The following RNF150 variants were observed in gnomAD, a reference collection of about 807,000 sequenced individuals.
The protein encoded by RNF150 is ring finger protein 150.
In RNF150, 24 loss-of-function variants were observed where a neutral mutation model predicts 39.3. That is an observed-to-expected ratio of 0.61 (90% CI 0.44 to 0.86). The LOEUF (loss-of-function observed/expected upper bound fraction) is 0.86. Among genes scored for constraint, RNF150 ranks in the 40% least tolerant of loss-of-function variants. The probability of loss-of-function intolerance (pLI) is 0.00; values close to 1 mark genes in which losing one functional copy is unlikely to be tolerated. For synonymous variants in RNF150, 255 were observed against 227.3 expected (o/e 1.12, Z -1.10); for missense variants, 502 against 587.8 (o/e 0.85, Z 1.51).
At chr4:141,179,103 G>T (rs764062812) in intron 1 of RNF150, among the ~76,000 whole-genome samples, 14 of 152,080 alleles carry the variant, frequency 9.2e-5, no homozygotes, top group Non-Finnish European at 1.9e-4. Context: ...TATATATTAA[G>T]ATCTCGTATT....
chr4:140,896,828 A>G (rs992533791), intron 6 of RNF150, among the ~76,000 whole-genome samples: 1 of 152,016 alleles, frequency 6.6e-6, no homozygotes, highest in African/African-American at 2.4e-5. Context: ...GAATGCCTGC[A>G]CCACCGTGTG....
intron 1 of RNF150, among the ~76,000 whole-genome samples, chr4:141,041,022 G>T (rs1736344670): frequency 6.6e-6 from 1 of 151,798 alleles, no homozygotes; most frequent in Admixed American, 6.6e-5. Flanking sequence ...TCACTTTTTG[G>T]TCACTGTTAT....
chr4:140,971,020 A>G (rs1360973587), intron 1 of RNF150, among the ~76,000 whole-genome samples: 3 of 152,132 alleles, frequency 2.0e-5, no homozygotes, highest in African/African-American at 7.2e-5. Flanking sequence ...AGGGTGTCCA[A>G]AAAAAGATAT....
intron 6 of RNF150, among the ~76,000 whole-genome samples, chr4:140,871,003 T>C (rs1395080513): frequency 1.1e-5 from 1 of 91,884 alleles, no homozygotes; most frequent in Non-Finnish European, 2.7e-5. Flanking sequence ...TCTCTCTCTC[T>C]ATATATATAT....
At chr4:141,164,173 C>A (rs1727561184) in intron 1 of RNF150, among the ~76,000 whole-genome samples, 1 of 150,300 alleles carries the variant, frequency 6.7e-6, no homozygotes. Flanking sequence ...GTATCAATAG[C>A]TGAATTGATC....
intron 1 of RNF150, among the ~76,000 whole-genome samples, chr4:141,020,595 T>TA (rs1397912421): frequency 2.6e-5 from 4 of 152,070 alleles, no homozygotes; most frequent in African/African-American, 4.8e-5. Flanking sequence ...CTAGAGGACC[T>TA]AAAAAAAGGC....
At chr4:141,135,617 C>T (rs1486616681), upstream of RNF150, among the ~76,000 whole-genome samples, 1 of 152,190 alleles carries the variant, frequency 6.6e-6, no homozygotes, top group Admixed American at 6.5e-5. Flanking sequence ...AACAGCTCTT[C>T]CTTATGGTAG....
At chr4:141,170,252 G>A (rs1457881901) in intron 1 of RNF150, among the ~76,000 whole-genome samples, 4 of 152,084 alleles carry the variant, frequency 2.6e-5, no homozygotes, top group Non-Finnish European at 5.9e-5. Flanking sequence ...ACATATTGAC[G>A]AATGCTCTTT....
At chr4:140,981,068 A>T (rs867957879) in intron 1 of RNF150, among the ~76,000 whole-genome samples, 7 of 152,274 alleles carry the variant, frequency 4.6e-5, no homozygotes, top group Middle Eastern at 3.4e-3. Context: ...CCTGTTTTTA[A>T]GGCCAATTAA....
intron 1 of RNF150, among the ~76,000 whole-genome samples, chr4:141,103,633 C>T (rs534218014): frequency 5.3e-5 from 8 of 152,256 alleles, no homozygotes; most frequent in East Asian, 1.9e-4. Context: ...AAAAGTTTCA[C>T]GGAACAATAG....
At chr4:141,010,203 A>C (rs1013132293) in intron 1 of RNF150, among the ~76,000 whole-genome samples, 1 of 152,200 alleles carries the variant, frequency 6.6e-6, no homozygotes, top group Non-Finnish European at 1.5e-5. Flanking sequence ...TATTATGAAA[A>C]TTTGAAGTAG....
chr4:141,187,409 G>T (rs1728031835), intron 1 of RNF150, among the ~76,000 whole-genome samples: 1 of 152,096 alleles, frequency 6.6e-6, no homozygotes, highest in Admixed American at 6.5e-5. Flanking sequence ...ATATCCTTGT[G>T]AATTTTCAGT....
chr4:141,047,829 G>A (rs1238209292), intron 1 of RNF150, among the ~76,000 whole-genome samples: 1 of 151,904 alleles, frequency 6.6e-6, no homozygotes, highest in Admixed American at 6.6e-5. Context: ...AAACTTAATG[G>A]ATCATTTATC....
intron 1 of RNF150, among the ~76,000 whole-genome samples, chr4:141,174,784 A>G (rs1727781417): frequency 6.6e-6 from 1 of 151,466 alleles, no homozygotes; most frequent in Admixed American, 6.6e-5. Flanking sequence ...CAGAAAATCT[A>G]GGGATAAAGT....
rs1161941474 is a variant in RNF150 at position 141,132,168 on chromosome 4, A to T, written c.484+157T>A. On this transcript the variant is annotated intron_variant, in intron 1 of 6. Transcript: ENST00000515673. The surrounding 1 kb of genome is among the most constrained non-coding windows in gnomAD (Gnocchi z 4.9). Reference sequence around the variant, plus strand: ...ATCTTCTCCTCTTTGTAAACCCCCCAAGTGACGCGGAGCAAAACTTAATCG... The same window carrying T: ...ATCTTCTCCTCTTTGTAAACCCCCCTAGTGACGCGGAGCAAAACTTAATCG... Among the ~76,000 whole-genome samples, 1 of 152,072 alleles carries T rather than the reference A, an allele frequency of 6.6e-6. No homozygotes were observed. The highest frequency in any genetic ancestry group is 1.5e-5 in the Non-Finnish European group (1 of 68,012).
chr4:141,171,783 AT>A (rs1216202264), intron 1 of RNF150, among the ~76,000 whole-genome samples: 1 of 152,154 alleles, frequency 6.6e-6, no homozygotes, highest in Non-Finnish European at 1.5e-5. Context: ...TAGATGTTTA[AT>A]TAAATGGTGT....
At chr4:141,188,042 GT>G (rs1359974528) in intron 1 of RNF150, among the ~76,000 whole-genome samples, 1 of 152,166 alleles carries the variant, frequency 6.6e-6, no homozygotes, top group African/African-American at 2.4e-5. Flanking sequence ...GGCAAGCCTG[GT>G]GGTGACAAAA....
At chr4:140,994,162 C>T (rs755064281) in intron 1 of RNF150, among the ~76,000 whole-genome samples, 2 of 152,170 alleles carry the variant, frequency 1.3e-5, no homozygotes, top group African/African-American at 2.4e-5. Context: ...AAAACAAGAG[C>T]AGCAGATTAA....
chr4:140,899,968 CTCTCTCTG>C (rs1236453936), intron 6 of RNF150, among the ~76,000 whole-genome samples: 4 of 117,336 alleles, frequency 3.4e-5, no homozygotes, highest in Non-Finnish European at 5.4e-5. Context: ...CTCTCTCTCT[CTCTCTCTG>C]TGTGTGTGTG....
Sources: allele counts gnomAD v4.1 joint callset (sites outside exome capture counted in the v4.1 genomes callset), GRCh38; gene constraint gnomAD v4.1.1; non-coding constraint Gnocchi (gnomAD v3.1); transcripts MANE v1.5; gene names NCBI Gene and HGNC (gene_info 2026-07-23, HGNC 2026-07-21).